RXYLT1: variants seen among roughly 807,000 people sequenced by gnomAD.
The protein encoded by RXYLT1 is ribitol-5-phosphate xylosyltransferase 1.
Under a neutral mutation model 43.5 loss-of-function variants are expected in RXYLT1, and 41 were observed. The observed-to-expected ratio is 0.94, with a 90% CI of 0.73 to 1.22. The LOEUF (loss-of-function observed/expected upper bound fraction) is 1.22, where lower values mean the gene tolerates loss of function less well. Among genes scored for constraint, RXYLT1 ranks in the 50% most tolerant of loss-of-function variants. The pLI is 0.00. For missense variants in RXYLT1, 514 were observed against 532.0 expected (o/e 0.97, Z 0.33); for synonymous variants, 166 against 194.4 (o/e 0.85, Z 1.21).
chr12:63,808,274 T>G, intron 5 of RXYLT1: 2 of 197,834 alleles, frequency 1.0e-5, no homozygotes, highest in Non-Finnish European at 2.0e-5. Context: ...TACTTACTCC[T>G]TTGCTCTTTT....
At chr12:63,807,083 A>C (rs1306663943) in intron 5 of RXYLT1, 6 of 152,334 alleles carry the variant, frequency 3.9e-5, no homozygotes, top group Non-Finnish European at 8.8e-5. Flanking sequence ...ATCTCTTTCT[A>C]CAACCACCAT....
At chr12:63,783,479 A>T (rs1897732986) in intron 2 of RXYLT1, among the ~76,000 whole-genome samples, 1 of 151,990 alleles carries the variant, frequency 6.6e-6, no homozygotes, top group South Asian at 2.1e-4. Flanking sequence ...AAAACATTGC[A>T]TATTCTTACC....
chr12:63,797,613 G>A lies in RXYLT1; in HGVS notation c.429-4478G>A, dbSNP rs1169550024. Among the ~76,000 whole-genome samples the A allele has an allele frequency of 2.6e-5, 4 of 152,324 alleles. No individual in the cohort carries two copies. The South Asian group carries it at 6.2e-4, about 24-fold the overall frequency. ...GATGGGGAGGATTGAGCAAGGGCCA[G>A]ATCATGGTGGGCCTTGTATGTACCA... is the stretch of plus-strand genomic sequence containing the variant. On this transcript the variant is annotated intron_variant, in intron 3 of 5. Coordinates refer to ENST00000261234, the MANE Select transcript of RXYLT1 (RefSeq NM_014254.3).
intron 4 of RXYLT1, chr12:63,804,929 T>C: frequency 4.3e-6 from 1 of 230,190 alleles, no homozygotes. Flanking sequence ...ACTTTGAAGG[T>C]TTTGAATGTA....
At chr12:63,784,861 C>A in intron 2 of RXYLT1, 109 bp from the exon 3 acceptor site, 1 of 877,120 alleles carries the variant, frequency 1.1e-6, no homozygotes, top group Non-Finnish European at 1.7e-6. Flanking sequence ...GAGAGGCATT[C>A]TGGTTTTATA....
At chr12:63,797,044 A>ACC (rs1898050758) in intron 3 of RXYLT1, among the ~76,000 whole-genome samples, 2 of 150,010 alleles carry the variant, frequency 1.3e-5, no homozygotes, top group Non-Finnish European at 3.0e-5. Flanking sequence ...GCTCACTGCA[A>ACC]CCTCCACCTC....
At chr12:63,805,603 C>G in intron 5 of RXYLT1, 199 bp downstream of exon 5, 1 of 444,170 alleles carries the variant, frequency 2.3e-6, no homozygotes, top group East Asian at 3.6e-5. Context: ...TGACTGTAGT[C>G]CATCTTGAAG....
chr12:63,791,911 C>T (rs1317089988), intron 3 of RXYLT1, among the ~76,000 whole-genome samples: 1 of 152,178 alleles, frequency 6.6e-6, no homozygotes, highest in African/African-American at 2.4e-5. Flanking sequence ...TAACAAATAA[C>T]ATCTAACATT....
Position 63,808,719 on chromosome 12 carries a change from A to T in RXYLT1, c.959A>T (p.Asp320Val). ...AATGAAAGTCTTAAGAATTACCAAGATGCCTTGCTTCAGAGTGATCTCACA... is the reference window on the plus strand; with the variant it reads ...AATGAAAGTCTTAAGAATTACCAAGTTGCCTTGCTTCAGAGTGATCTCACA... Reference protein sequence around the residue: ...ETNESLKNYQDALLQSDLTLC... With the variant: ...ETNESLKNYQVALLQSDLTLC... Residue 320 changes from aspartate (D) to valine (V), a missense_variant, in exon 6 of 6, where the codon GAT (aspartate) becomes GTT (valine). Coordinates refer to ENST00000261234, the MANE Select transcript of RXYLT1 (RefSeq NM_014254.3). 2 of 1,605,196 alleles carry T rather than the reference A, an allele frequency of 1.2e-6. No individual in the cohort carries two copies. Among genetic ancestry groups the T allele is most frequent in the Non-Finnish European group, 1.7e-6 (2 of 1,178,206 alleles).
intron 2 of RXYLT1, among the ~76,000 whole-genome samples, chr12:63,783,501 T>C (rs1897733529): frequency 6.6e-6 from 1 of 152,160 alleles, no homozygotes; most frequent in South Asian, 2.1e-4. Context: ...ACAATCTGCT[T>C]GTGATCATTT....
chr12:63,780,394 T>G, intron 1 of RXYLT1: 1 of 1,262,586 alleles, frequency 7.9e-7, no homozygotes. Context: ...CGTGTTAAAA[T>G]CCAAGACGTC....
At chr12:63,797,324 T>C (rs1898057923) in intron 3 of RXYLT1, among the ~76,000 whole-genome samples, 1 of 151,582 alleles carries the variant, frequency 6.6e-6, no homozygotes, top group Non-Finnish European at 1.5e-5. Context: ...TACTCTACCA[T>C]GTTTATTGTT....
chr12:63,780,472 A>G, intron 1 of RXYLT1: 5 of 1,125,688 alleles, frequency 4.4e-6, no homozygotes, highest in Non-Finnish European at 5.4e-6. Context: ...GGTTTAAGAC[A>G]TCCGTTTCCA....
chr12:63,782,516 T>C (rs1212561029), intron 2 of RXYLT1: 1 of 456,418 alleles, frequency 2.2e-6, no homozygotes. Context: ...CTTCTTTCAT[T>C]GTGACCTCTT....
At chr12:63,796,406 T>C (rs923381168) in intron 3 of RXYLT1, among the ~76,000 whole-genome samples, 14 of 152,222 alleles carry the variant, frequency 9.2e-5, no homozygotes, top group Non-Finnish European at 7.3e-5. Context: ...TCCATTGTGA[T>C]ATTTACTAGG....
chr12:63,784,759 C>T (rs780603820), intron 2 of RXYLT1, among the ~76,000 whole-genome samples: 18 of 152,176 alleles, frequency 1.2e-4, no homozygotes, highest in Non-Finnish European at 2.1e-4. Context: ...ACATTTTACA[C>T]ACTAACAGCT....
chr12:63,809,050 T>A lies in RXYLT1; in HGVS notation c.1290T>A (p.Thr430=). Residue 430 remains threonine (T), a synonymous_variant, in exon 6 of 6, where the codon ACT becomes ACA. Transcript: ENST00000261234. Reference sequence around the variant, plus strand: ...AGACAGAGCTTAAAATGAAATTTACTAATATTTTAGAAAGCTCATTTTTAA... The same window carrying A: ...AGACAGAGCTTAAAATGAAATTTACAAATATTTTAGAAAGCTCATTTTTAA... ...HFKTELKMKF[T]NILESSFLMN... 6.4e-7 allele frequency: 1 copy of A among 1,572,402 alleles called. No homozygotes were observed. The highest frequency in any genetic ancestry group is 8.6e-7 in the Non-Finnish European group (1 of 1,161,446).
chr12:63,799,833 A>G (rs1039575195), intron 3 of RXYLT1, among the ~76,000 whole-genome samples: 1 of 152,220 alleles, frequency 6.6e-6, no homozygotes, highest in Non-Finnish European at 1.5e-5. Flanking sequence ...AAAGAGAAAT[A>G]CAAAGTATTC....
At chr12:63,805,001 A>C (rs1236596523) in intron 4 of RXYLT1, 2 of 396,694 alleles carry the variant, frequency 5.0e-6, no homozygotes, top group Admixed American at 8.6e-5. Context: ...AAATAACTTT[A>C]GGCACAACAT....
Sources: allele counts gnomAD v4.1 joint callset (sites outside exome capture counted in the v4.1 genomes callset), GRCh38; gene constraint gnomAD v4.1.1; transcripts MANE v1.5; gene names NCBI Gene and HGNC (gene_info 2026-07-23, HGNC 2026-07-21).